The following DCC variants were observed in gnomAD, a reference collection of about 807,000 sequenced individuals.
DCC encodes the protein DCC netrin 1 receptor.
A neutral mutation model predicts 172.5 loss-of-function variants in DCC; 58 were observed. The observed-to-expected ratio is 0.34, with a 90% CI of 0.27 to 0.42. The LOEUF (loss-of-function observed/expected upper bound fraction) is 0.42. DCC is among the 10% of genes least tolerant of loss of function. The pLI is 1.00. For missense variants in DCC, 1,740 were observed against 1,791.0 expected, an observed-to-expected ratio of 0.97 and a Z score of 0.51; for synonymous variants, 709 against 644.5, an observed-to-expected ratio of 1.10 and a Z score of -1.52.
chr18:53,113,523 A>T (rs2144262652), intron 7 of DCC, among the ~76,000 whole-genome samples: 1 of 151,408 alleles, frequency 6.6e-6, no homozygotes, highest in African/African-American at 2.4e-5. Flanking sequence ...TTATTTGTTT[A>T]CTTTGGCTTT....
chr18:53,201,426 T>TAG (rs1233614948), intron 9 of DCC, among the ~76,000 whole-genome samples: 7 of 152,168 alleles, frequency 4.6e-5, no homozygotes, highest in Admixed American at 3.9e-4. Context: ...ATCCCTCACA[T>TAG]ACGGCATATA....
At chr18:52,390,349 G>A (rs79663039) in intron 1 of DCC, among the ~76,000 whole-genome samples, 2,005 of 152,074 alleles carry the variant, frequency 0.013, 44 homozygotes, top group African/African-American at 0.046. Context: ...TCTGTCAATC[G>A]TCTGGTGAGC....
At chr18:52,835,631 C>T (rs1598851494) in intron 2 of DCC, among the ~76,000 whole-genome samples, 2 of 152,136 alleles carry the variant, frequency 1.3e-5, no homozygotes, top group African/African-American at 2.4e-5. Flanking sequence ...ATTGAAATGG[C>T]TTCAGAGTAA....
chr18:53,092,294 G>C (rs2043025218), intron 7 of DCC, among the ~76,000 whole-genome samples: 1 of 152,114 alleles, frequency 6.6e-6, no homozygotes, highest in Non-Finnish European at 1.5e-5. Flanking sequence ...CTCTTAAGCA[G>C]ATTTGGGAAC....
At chr18:52,467,885 T>C (rs1006623056) in intron 1 of DCC, among the ~76,000 whole-genome samples, 1 of 152,216 alleles carries the variant, frequency 6.6e-6, no homozygotes, top group African/African-American at 2.4e-5. Context: ...GCCCACTTTA[T>C]GATGGGACTG....
chr18:53,392,859 A>G (rs908060742), intron 17 of DCC, among the ~76,000 whole-genome samples: 1 of 152,230 alleles, frequency 6.6e-6, no homozygotes, highest in African/African-American at 2.4e-5. Context: ...GAGAGATATA[A>G]TGTATAAAAA....
At chr18:53,154,087 G>T (rs748038635) in intron 7 of DCC, among the ~76,000 whole-genome samples, 3 of 152,132 alleles carry the variant, frequency 2.0e-5, no homozygotes, top group Non-Finnish European at 4.4e-5. Flanking sequence ...TTTAGGAAAG[G>T]CAAATCCCCT....
chr18:52,501,963 T>G (rs1164804285), intron 1 of DCC, among the ~76,000 whole-genome samples: 1 of 152,120 alleles, frequency 6.6e-6, no homozygotes, highest in Non-Finnish European at 1.5e-5. Flanking sequence ...GGGCCCACAG[T>G]TCGTAAATGA....
chr18:53,285,670 C>T (rs117906557), intron 12 of DCC, among the ~76,000 whole-genome samples: 3,123 of 152,300 alleles, frequency 0.021, 45 homozygotes, highest in Middle Eastern at 0.034. Context: ...AGAAGAGCAC[C>T]ACCATCCTCC....
chr18:53,412,662 G>A (rs186728737), intron 20 of DCC, among the ~76,000 whole-genome samples: 2 of 152,202 alleles, frequency 1.3e-5, no homozygotes, highest in Admixed American at 6.5e-5. Flanking sequence ...ACTGGGTAAT[G>A]GGCAAGTATT....
chr18:53,395,889 C>T (rs1275764651), intron 17 of DCC, among the ~76,000 whole-genome samples: 4 of 152,246 alleles, frequency 2.6e-5, no homozygotes, highest in East Asian at 1.9e-4. Context: ...GTGATCCATC[C>T]GCCTCGGCCT....
chr18:53,462,880 A>G (rs1407237450), intron 24 of DCC, among the ~76,000 whole-genome samples: 4 of 152,354 alleles, frequency 2.6e-5, no homozygotes, highest in African/African-American at 9.6e-5. Flanking sequence ...TTGGCCCACA[A>G]GAATCTCCTA....
chr18:52,553,121 T>C (rs1409612554), intron 1 of DCC, among the ~76,000 whole-genome samples: 5 of 152,066 alleles, frequency 3.3e-5, no homozygotes, highest in Admixed American at 6.6e-5. Flanking sequence ...AATTTGAGTT[T>C]AGGTTTTTAA....
chr18:52,752,193 T>G lies in DCC; in HGVS notation c.231T>G (p.Asp77Glu). ...TTCCAGTGATCAAGTGGAAGAAAGA[T>G]GGCATTCATCTGGCCTTGGGAATGG... ...RGVPVIKWKK[D>E]GIHLALGMDE... Residue 77 changes from aspartate (D) to glutamate (E), a missense_variant, in exon 2 of 29, where the codon GAT (aspartate) becomes GAG (glutamate). Transcript: ENST00000442544. 1.2e-6 allele frequency: 2 copies of G among 1,614,102 alleles called. No homozygotes were observed. Among genetic ancestry groups the G allele is most frequent in the Non-Finnish European group, 1.7e-6 (2 of 1,180,030 alleles).
intron 24 of DCC, among the ~76,000 whole-genome samples, chr18:53,466,994 G>A (rs2045629715): frequency 6.6e-6 from 1 of 152,010 alleles, no homozygotes; most frequent in African/African-American, 2.4e-5. Flanking sequence ...AAAAATGCAT[G>A]CATATGATAA....
Position 52,893,549 on chromosome 18 carries a change from T to A in DCC, c.413-12495T>A, listed in dbSNP as rs932490021. 2.6e-5 allele frequency among the ~76,000 whole-genome samples: 4 copies of A among 152,254 alleles called. 1 individual carries two copies. Among genetic ancestry groups the A allele is most frequent in the South Asian group, 4.1e-4 (2 of 4,822 alleles). The stretch of plus-strand genomic sequence containing the variant: ...ATGAATAGGGAAATGTCTTGCCAAG[T>A]TTCTTTGTTTATGAAAATCCTTGTT... On this transcript the variant is annotated intron_variant, in intron 2 of 28. Coordinates refer to ENST00000442544, the MANE Select transcript of DCC (RefSeq NM_005215.4).
chr18:53,072,579 G>A (rs893545974), intron 7 of DCC, among the ~76,000 whole-genome samples: 1 of 152,202 alleles, frequency 6.6e-6, no homozygotes, highest in African/African-American at 2.4e-5. Context: ...CGTAGTCTGG[G>A]ATGTGTTTAA....
At chr18:53,093,467 T>G (rs1262080823) in intron 7 of DCC, among the ~76,000 whole-genome samples, 1 of 152,168 alleles carries the variant, frequency 6.6e-6, no homozygotes, top group Non-Finnish European at 1.5e-5. Context: ...ATAAGGCTGA[T>G]AAGTTTTCTC....
intron 1 of DCC, among the ~76,000 whole-genome samples, chr18:52,492,930 GA>G (rs2030578636): frequency 6.6e-6 from 1 of 152,072 alleles, no homozygotes; most frequent in Non-Finnish European, 1.5e-5. Context: ...GTTCACTTAA[GA>G]CCATAATGTG....
Sources: allele counts gnomAD v4.1 joint callset (sites outside exome capture counted in the v4.1 genomes callset), GRCh38; gene constraint gnomAD v4.1.1; transcripts MANE v1.5; gene names NCBI Gene and HGNC (gene_info 2026-07-23, HGNC 2026-07-21).